GOLGA4: variants seen among roughly 807,000 people sequenced by gnomAD.
GOLGA4 encodes golgin subfamily A member 4.
GOLGA4 carries 169 observed loss-of-function variants against 265.9 expected under a neutral mutation model. The observed-to-expected ratio is 0.64, with a 90% CI of 0.56 to 0.72. The LOEUF (loss-of-function observed/expected upper bound fraction) is 0.72, where lower values mean the gene tolerates loss of function less well. Among genes scored for constraint, GOLGA4 ranks in the 30% least tolerant of loss-of-function variants. GOLGA4 has a pLI of 0.00. For synonymous variants in GOLGA4, 923 were observed against 855.8 expected, an observed-to-expected ratio of 1.08 and a Z score of -1.37; for missense variants, 2,482 against 2,483.4, an observed-to-expected ratio of 1.00 and a Z score of 0.01.
chr3:37,362,197 TTTTATTTATTTATTTATTTATTTATTTA>T (rs144532752), intron 23 of GOLGA4, among the ~76,000 whole-genome samples: 1 of 135,420 alleles, frequency 7.4e-6, no homozygotes, highest in Non-Finnish European at 1.6e-5. Flanking sequence ...TCTTTTAAGC[TTTTATTTATTTATTTATTTATTTATTTA>T]TTTATTTATT....
chr3:37,315,410 T>C lies in GOLGA4; in HGVS notation c.1235-10T>C, dbSNP rs2096934879. On this transcript the variant is annotated splice_polypyrimidine_tract_variant and intron_variant, in intron 10 of 23. Transcript: ENST00000361924. ...CTTGAGATACTTGTTTTCTGTTGTT[T>C]TCATTATAGCTTTTGAGGAACTTGA... 6.2e-7 allele frequency: 1 copy of C among 1,602,364 alleles called. No individual in the cohort carries two copies. Among genetic ancestry groups the C allele is most frequent in the South Asian group, 1.1e-5 (1 of 89,280 alleles).
chr3:37,329,401 A>G (rs2096982973), intron 16 of GOLGA4: 1 of 172,986 alleles, frequency 5.8e-6, no homozygotes. Context: ...TTCTGACTGA[A>G]CTGTGAGGGG....
intron 22 of GOLGA4, among the ~76,000 whole-genome samples, chr3:37,359,467 A>C (rs1344206247): frequency 6.6e-6 from 1 of 152,200 alleles, no homozygotes. Context: ...GAGTGCTAGC[A>C]AAATGTAATG....
chr3:37,334,816 A>C (rs1188137819), intron 16 of GOLGA4, among the ~76,000 whole-genome samples: 1 of 152,082 alleles, frequency 6.6e-6, no homozygotes, highest in East Asian at 1.9e-4. Flanking sequence ...CCTAGGAATA[A>C]TGAGCATTGG....
chr3:37,364,807 G>C (rs1382971686), intron 23 of GOLGA4, among the ~76,000 whole-genome samples: 1 of 149,472 alleles, frequency 6.7e-6, no homozygotes, highest in Non-Finnish European at 1.5e-5. Flanking sequence ...GCCCAGGCTG[G>C]TCTTGAACTC....
intron 18 of GOLGA4, 90 bp downstream of exon 18, chr3:37,337,253 G>A: frequency 2.8e-6 from 2 of 714,184 alleles, no homozygotes; most frequent in South Asian, 1.7e-5. Context: ...AGGCTGGAGT[G>A]CAGTGATGCA....
chr3:37,363,736 A>G (rs776649191), intron 23 of GOLGA4, among the ~76,000 whole-genome samples: 7 of 152,238 alleles, frequency 4.6e-5, no homozygotes, highest in Non-Finnish European at 8.8e-5. Context: ...TATATAGTAC[A>G]TAATACTCAG....
chr3:37,302,069 A>G (rs2096894415), intron 9 of GOLGA4, 116 bp from the exon 10 acceptor site: 8 of 823,260 alleles, frequency 9.7e-6, no homozygotes, highest in African/African-American at 3.4e-5. Context: ...GATTATGGAC[A>G]TGAGTCACCA....
chr3:37,286,003 CT>C lies in GOLGA4; in HGVS notation c.478-10del. On this transcript the variant is annotated splice_polypyrimidine_tract_variant and intron_variant, in intron 3 of 23. Coordinates refer to ENST00000361924, the MANE Select transcript of GOLGA4 (RefSeq NM_002078.5). ...TAGGAATGACTAATGTTGTTGATGA[CT>C]ATATTTTAGCTTGTTACAGCTTATC... is the stretch of plus-strand genomic sequence containing the variant. 1 of 1,511,384 alleles carries C rather than the reference CT, an allele frequency of 6.6e-7. No individual in the cohort carries two copies. Among genetic ancestry groups the C allele is most frequent in the Admixed American group, 1.9e-5 (1 of 53,908 alleles). The allele number at this position is 1,511,384 out of a possible 1,614,324, so 93.6% of individuals were successfully genotyped here.
chr3:37,317,054 A>G (rs1249600982), intron 11 of GOLGA4, among the ~76,000 whole-genome samples: 1 of 152,170 alleles, frequency 6.6e-6, no homozygotes, highest in African/African-American at 2.4e-5. Flanking sequence ...TACCCCATTT[A>G]TTTTAAAGGC....
chr3:37,288,539 C>A (rs576234654), intron 4 of GOLGA4, among the ~76,000 whole-genome samples: 2 of 150,268 alleles, frequency 1.3e-5, no homozygotes, highest in South Asian at 2.1e-4. Flanking sequence ...TGCAGTGGTG[C>A]GATCTCGGCT....
chr3:37,313,673 C>A (rs1186883986), intron 10 of GOLGA4, among the ~76,000 whole-genome samples: 1 of 152,076 alleles, frequency 6.6e-6, no homozygotes, highest in African/African-American at 2.4e-5. Flanking sequence ...GCAAATAATG[C>A]ATGTGTGTGT....
chr3:37,288,730 G>T (rs958671983), intron 4 of GOLGA4, among the ~76,000 whole-genome samples: 1 of 151,622 alleles, frequency 6.6e-6, no homozygotes, highest in African/African-American at 2.4e-5. Context: ...CACCTGCCTC[G>T]GCCTCCCAAA....
At chr3:37,364,533 C>G (rs1696596511) in intron 23 of GOLGA4, among the ~76,000 whole-genome samples, 1 of 151,820 alleles carries the variant, frequency 6.6e-6, no homozygotes, top group Non-Finnish European at 1.5e-5. Context: ...TGAGCCACTG[C>G]TCCTGGCCAG....
chr3:37,269,925 GCT>G (rs1480402614), intron 2 of GOLGA4, among the ~76,000 whole-genome samples: 1 of 114,074 alleles, frequency 8.8e-6, no homozygotes, highest in Non-Finnish European at 1.6e-5. Context: ...GCAGAGTCTC[GCT>G]CTGTCACCCA....
At chr3:37,328,264 A>C (rs113394226) in intron 14 of GOLGA4, 152 bp from the exon 15 acceptor site, 1 of 687,190 alleles carries the variant, frequency 1.5e-6, no homozygotes, top group Non-Finnish European at 2.5e-6. Context: ...ACACACACAC[A>C]CACACTCACT....
intron 10 of GOLGA4, among the ~76,000 whole-genome samples, chr3:37,310,820 A>G (rs564615685): frequency 6.6e-6 from 1 of 152,110 alleles, no homozygotes; most frequent in Non-Finnish European, 1.5e-5. Flanking sequence ...ATTCTGCGGC[A>G]GTTCGTGCTT....
Position 37,329,092 on chromosome 3 carries a change from A to G in GOLGA4, c.6191A>G (p.Asp2064Gly), listed in dbSNP as rs1248505008. The G allele has an allele frequency of 3.1e-6, 5 of 1,598,034 alleles. No individual in the cohort carries two copies. In the Admixed American group the frequency reaches 8.8e-5, roughly 28 times the overall value. The change falls in exon 16 of 24, where the codon GAT (aspartate) becomes GGT (glycine). Residue 2064 changes from aspartate (D) to glycine (G), a missense_variant and splice_region_variant. Transcript: ENST00000361924. ...RTAKRYEEILDAREEEMTAKV... is the reference protein window; with the variant it reads ...RTAKRYEEILGAREEEMTAKV... ...GCCAAAAGATATGAAGAAATCCTTG[A>G]TGTTTGTACCTTATTTCTTCTCTCT...
chr3:37,325,587 A>C lies in GOLGA4; in HGVS notation c.3701A>C (p.Glu1234Ala). ...GCCTTATTAGAAGCTAAAACAAATG[A>C]GCTAATCAACATTAGTAGTAGTAAA... Reference protein sequence around the residue: ...TEALLEAKTNELINISSSKTN... With the variant: ...TEALLEAKTNALINISSSKTN... Residue 1234 changes from glutamate to alanine, a missense_variant, in exon 14 of 24, where the codon GAG becomes GCG. Physicochemically the swap from Glu to Ala is moderately radical, Grantham distance 107 (BLOSUM62 -1). Coordinates refer to ENST00000361924, the MANE Select transcript of GOLGA4 (RefSeq NM_002078.5). 1.2e-6 allele frequency: 2 copies of C among 1,612,438 alleles called. No individual in the cohort carries two copies. Among genetic ancestry groups the C allele is most frequent in the Non-Finnish European group, 1.7e-6 (2 of 1,178,542 alleles).
Sources: allele counts gnomAD v4.1 joint callset (sites outside exome capture counted in the v4.1 genomes callset), GRCh38; gene constraint gnomAD v4.1.1; transcripts MANE v1.5; gene names NCBI Gene and HGNC (gene_info 2026-07-23, HGNC 2026-07-21).